The following TCF4 variants were observed in gnomAD, a reference collection of about 807,000 sequenced individuals.
TCF4 encodes SL3-3 enhancer factor 2.
TCF4 carries 3 observed loss-of-function variants against 82.1 expected under a neutral mutation model. The ratio of observed to expected loss-of-function variants is 0.04; its 90% CI spans 0.02 to 0.09. TCF4 has a LOEUF of 0.09. Ranked by LOEUF, TCF4 falls within the 10% of genes least tolerant of loss-of-function variation. The probability of loss-of-function intolerance (pLI) is 1.00; values close to 1 mark genes in which losing one functional copy is unlikely to be tolerated. For synonymous variants in TCF4, 276 were observed against 309.6 expected, an observed-to-expected ratio of 0.89 and a Z score of 1.14; for missense variants, 518 against 852.7, an observed-to-expected ratio of 0.61 and a Z score of 4.89.
At chr18:55,333,656 G>GT (rs2078034023) in intron 8 of TCF4, among the ~76,000 whole-genome samples, 1 of 152,130 alleles carries the variant, frequency 6.6e-6, no homozygotes, top group South Asian at 2.1e-4. Context: ...CTTGCCCCAT[G>GT]TAAGTAAAAT....
At chr18:55,571,495 T>C (rs1339066721) in intron 3 of TCF4, among the ~76,000 whole-genome samples, 2 of 152,214 alleles carry the variant, frequency 1.3e-5, no homozygotes, top group African/African-American at 2.4e-5. Flanking sequence ...CCAGTACTTA[T>C]GTTGGTGGTG....
At chr18:55,276,745 C>G (rs563188370) in intron 9 of TCF4, among the ~76,000 whole-genome samples, 3 of 152,260 alleles carry the variant, frequency 2.0e-5, no homozygotes, top group East Asian at 3.9e-4. Context: ...AAATGTATAG[C>G]AGATATTGCT....
chr18:55,585,567 G>T, intron 2 of TCF4: 1 of 624,782 alleles, frequency 1.6e-6, no homozygotes, highest in Non-Finnish European at 2.7e-6. Context: ...TTTTTCCTCA[G>T]GTTCATTAGA....
chr18:55,356,635 C>A (rs2083600865), intron 6 of TCF4, among the ~76,000 whole-genome samples: 1 of 152,156 alleles, frequency 6.6e-6, no homozygotes, highest in Non-Finnish European at 1.5e-5. Context: ...TACATTCGAA[C>A]TCTTGCTACA....
chr18:55,341,034 T>C (rs956945231), intron 8 of TCF4, among the ~76,000 whole-genome samples: 8 of 152,226 alleles, frequency 5.3e-5, no homozygotes, highest in African/African-American at 1.9e-4. Flanking sequence ...AGGACATGAC[T>C]ATACAGAGAT....
At chr18:55,434,551 C>G (rs2095282980) in intron 5 of TCF4, among the ~76,000 whole-genome samples, 2 of 150,800 alleles carry the variant, frequency 1.3e-5, no homozygotes, top group African/African-American at 2.4e-5. Flanking sequence ...TCCCAAGTAG[C>G]TGGGACTACA....
At chr18:55,420,401 C>T (rs2958166) in intron 5 of TCF4, among the ~76,000 whole-genome samples, 47,648 of 152,040 alleles carry the variant, frequency 0.31, 8,074 homozygotes, top group East Asian at 0.48. Context: ...CTCCCTTTCC[C>T]TTCCACACTC....
intron 6 of TCF4, among the ~76,000 whole-genome samples, chr18:55,376,277 C>G (rs948190940): frequency 2.6e-5 from 4 of 152,024 alleles, no homozygotes; most frequent in African/African-American, 9.7e-5. Context: ...CTGCCTGCCT[C>G]GGCCTCCTAA....
At position 55,552,025 on chromosome 18, in the gene TCF4, T is replaced by C. The variant is rs2097264524; in HGVS notation, c.145+33255A>G. On this transcript the variant is annotated intron_variant, in intron 3 of 19. Coordinates refer to ENST00000354452, the MANE Select transcript of TCF4 (RefSeq NM_001083962.2). ...ACAGTGACATATAAATATCTAAAAT[T>C]CAAAGGTAACTCTTGAACACACTTT... Among the ~76,000 whole-genome samples, 3 of 152,346 alleles carry C rather than the reference T, an allele frequency of 2.0e-5. No homozygotes were observed. In the South Asian group the frequency reaches 6.2e-4, roughly 32 times the overall value.
intron 3 of TCF4, among the ~76,000 whole-genome samples, chr18:55,573,482 A>T (rs1311843860): frequency 1.3e-5 from 2 of 151,896 alleles, no homozygotes; most frequent in African/African-American, 4.8e-5. Flanking sequence ...ACCCACAGTG[A>T]CTCCCCTTTG....
At chr18:55,560,021 TC>T (rs1273297288) in intron 3 of TCF4, among the ~76,000 whole-genome samples, 1 of 152,150 alleles carries the variant, frequency 6.6e-6, no homozygotes, top group East Asian at 1.9e-4. Context: ...AAGAAAAATT[TC>T]CCCACTGAAT....
chr18:55,518,563 A>T (rs1205927215), intron 3 of TCF4, among the ~76,000 whole-genome samples: 1 of 152,230 alleles, frequency 6.6e-6, no homozygotes, highest in East Asian at 1.9e-4. Context: ...ACACAAAAGT[A>T]TGTAAGCACT....
intron 6 of TCF4, among the ~76,000 whole-genome samples, chr18:55,363,870 A>C (rs559191313): frequency 9.2e-5 from 14 of 152,288 alleles, no homozygotes; most frequent in African/African-American, 3.4e-4. Context: ...AAGTTGAACA[A>C]AAATCTTTCT....
intron 2 of TCF4, among the ~76,000 whole-genome samples, chr18:55,604,542 G>A (rs931042010): frequency 2.6e-5 from 4 of 152,174 alleles, no homozygotes; most frequent in African/African-American, 9.7e-5. Context: ...TGCTTTTAGC[G>A]CATTGCCCAC....
intron 2 of TCF4, among the ~76,000 whole-genome samples, chr18:55,609,292 G>A (rs9951280): frequency 0.46 from 70,569 of 152,014 alleles, 17,785 homozygotes; most frequent in Admixed American, 0.63. Flanking sequence ...TATTCTCAAT[G>A]AAGCCACTGC....
intron 2 of TCF4, among the ~76,000 whole-genome samples, chr18:55,615,006 TTTTC>T (rs2097710469): frequency 6.6e-6 from 1 of 152,124 alleles, no homozygotes; most frequent in African/African-American, 2.4e-5. Flanking sequence ...AAAAAGTGAG[TTTTC>T]TTTATGTGTG....
intron 16 of TCF4, among the ~76,000 whole-genome samples, chr18:55,233,261 C>T (rs921789381): frequency 3.9e-5 from 6 of 152,164 alleles, no homozygotes; most frequent in African/African-American, 1.2e-4. Flanking sequence ...TTTTAAAACA[C>T]GACCCTAATG....
At chr18:55,585,390 A>C (rs756959443) in intron 2 of TCF4, 38 bp from the exon 3 acceptor site, 6 of 1,560,296 alleles carry the variant, frequency 3.8e-6, no homozygotes, top group Non-Finnish European at 5.3e-6. Flanking sequence ...TGAAAAGAAG[A>C]CACTTGTGCC....
chr18:55,434,301 T>C (rs915251823), intron 5 of TCF4, among the ~76,000 whole-genome samples: 6 of 152,236 alleles, frequency 3.9e-5, no homozygotes, highest in African/African-American at 1.4e-4. Flanking sequence ...TAGAATTTTT[T>C]TGTTTGCTGG....
Sources: allele counts gnomAD v4.1 joint callset (sites outside exome capture counted in the v4.1 genomes callset), GRCh38; gene constraint gnomAD v4.1.1; transcripts MANE v1.5; gene names NCBI Gene and HGNC (gene_info 2026-07-23, HGNC 2026-07-21).